ATRX: variants seen among roughly 807,000 people sequenced by gnomAD.
ATRX encodes the protein chromatin remodeler ATRX.
A neutral mutation model predicts 172.6 loss-of-function variants in ATRX; 12 were observed. The observed-to-expected ratio is 0.07, with a 90% CI of 0.04 to 0.11. ATRX has a LOEUF of 0.11. Among genes scored for constraint, ATRX ranks in the 10% least tolerant of loss-of-function variants. ATRX has a pLI of 1.00. For missense variants in ATRX, 1,368 were observed against 1,767.4 expected (o/e 0.77, Z 4.05); for synonymous variants, 674 against 594.7 (o/e 1.13, Z -1.94).
intron 2 of ATRX, among the ~76,000 whole-genome samples, chrX:77,711,816 C>A (rs1455340248): frequency 8.9e-6 from 1 of 112,225 alleles, no homozygotes; most frequent in Non-Finnish European, 1.9e-5. Flanking sequence ...GCCTAGGCAA[C>A]AGAAAAAGAA....
chrX:77,583,913 A>C (rs982664167), intron 27 of ATRX, among the ~76,000 whole-genome samples: 14 of 112,169 alleles, frequency 1.2e-4, no homozygotes, highest in African/African-American at 4.5e-4. Context: ...CCACCAGAAA[A>C]CTATTAGAAA....
At chrX:77,680,142 C>T (rs2071105800) in intron 9 of ATRX, among the ~76,000 whole-genome samples, 1 of 111,849 alleles carries the variant, frequency 8.9e-6, no homozygotes, top group Admixed American at 9.5e-5. Context: ...TCAGGCCCCA[C>T]TGGAGCTTTT....
chrX:77,698,779 T>A, intron 2 of ATRX, 150 bp from the exon 3 acceptor site: 1 of 489,049 alleles, frequency 2.0e-6, no homozygotes, highest in South Asian at 2.9e-5. Context: ...TTCCTAGAAG[T>A]GTTCTTTCAC....
intron 6 of ATRX, among the ~76,000 whole-genome samples, chrX:77,690,079 T>A (rs797041502): frequency 8.9e-6 from 1 of 112,061 alleles, no homozygotes; most frequent in South Asian, 3.7e-4. Flanking sequence ...GTAGAAACTT[T>A]AAAAAAATTT....
chrX:77,511,718 G>A (rs925772331), intron 34 of ATRX, among the ~76,000 whole-genome samples: 1 of 111,711 alleles, frequency 9.0e-6, no homozygotes, highest in Non-Finnish European at 1.9e-5. Flanking sequence ...ACCGATCAAG[G>A]AGAAGAAAGA....
At chrX:77,782,190 G>A (rs2148983429) in intron 1 of ATRX, among the ~76,000 whole-genome samples, 1 of 111,805 alleles carries the variant, frequency 8.9e-6, no homozygotes, top group Non-Finnish European at 1.9e-5. Context: ...CAAGGGCCTG[G>A]TTTCATGCTT....
rs373435318 is a variant in ATRX, at chrX:77,658,116, C to T, written c.4121-1463G>A. ...GTCCCAGCTACTTGGGAGGCTGAGA[C>T]GAGAGGATCACTTGAGCCCAGGAGG... On this transcript the variant is annotated intron_variant, in intron 12 of 34. Transcript: ENST00000373344. Among the ~76,000 whole-genome samples, 67 of 110,877 alleles carry T rather than the reference C, an allele frequency of 6.0e-4. 1 individual carries two copies. The highest frequency in any genetic ancestry group is 1.1e-3 in the African/African-American group (32 of 30,461).
intron 19 of ATRX, among the ~76,000 whole-genome samples, chrX:77,622,770 G>A (rs782112619): frequency 9.8e-4 from 108 of 110,520 alleles, no homozygotes; most frequent in Non-Finnish European, 1.0e-3. Context: ...GGGCTGTTTC[G>A]GCGCTGGAGG....
At chrX:77,707,462 G>T (rs2072893692) in intron 2 of ATRX, among the ~76,000 whole-genome samples, 1 of 112,181 alleles carries the variant, frequency 8.9e-6, no homozygotes. Flanking sequence ...ATGGGCAAAG[G>T]GGCTGGGCAC....
chrX:77,621,709 T>C (rs1334819499), intron 19 of ATRX, among the ~76,000 whole-genome samples: 1 of 112,228 alleles, frequency 8.9e-6, no homozygotes, highest in Non-Finnish European at 1.9e-5. Flanking sequence ...AAAGCAGCTG[T>C]CAAACTATCT....
chrX:77,535,811 G>A (rs1352256310), intron 30 of ATRX, among the ~76,000 whole-genome samples: 4 of 109,061 alleles, frequency 3.7e-5, no homozygotes, highest in African/African-American at 1.3e-4. Flanking sequence ...TCTGCCTCCT[G>A]GGTACAAGCA....
At chrX:77,520,991 T>G in intron 33 of ATRX, 75 bp from the exon 34 acceptor site, 2 of 1,059,360 alleles carry the variant, frequency 1.9e-6, no homozygotes, top group Non-Finnish European at 2.6e-6. Context: ...TTTAAGATAT[T>G]CGGGATTTCC....
chrX:77,518,625 G>T (rs931223224), intron 34 of ATRX, among the ~76,000 whole-genome samples: 7 of 111,393 alleles, frequency 6.3e-5, no homozygotes, highest in Non-Finnish European at 1.3e-4. Context: ...AAATACCAAT[G>T]ACATTCTTCA....
chrX:77,618,113 T>G (rs1557097889), intron 21 of ATRX, among the ~76,000 whole-genome samples: 2 of 111,977 alleles, frequency 1.8e-5, no homozygotes, highest in Non-Finnish European at 3.8e-5. Flanking sequence ...AATCCATGGA[T>G]GCAGAACCTG....
intron 30 of ATRX, among the ~76,000 whole-genome samples, chrX:77,557,196 A>G (rs782752514): frequency 1.3e-3 from 142 of 112,099 alleles, no homozygotes; most frequent in Middle Eastern, 8.4e-3. Flanking sequence ...ATATTAGAAA[A>G]TATGCTAATT....
At position 77,663,564 on chromosome X, in the gene ATRX, T is replaced by C. The variant is rs1237712138; in HGVS notation, c.3944-6A>G. 1 of 1,196,547 alleles carries C rather than the reference T, an allele frequency of 8.4e-7. No homozygotes were observed. Among genetic ancestry groups the C allele is most frequent in the African/African-American group, 1.8e-5 (1 of 56,928 alleles). On this transcript the variant is annotated splice_region_variant and splice_polypyrimidine_tract_variant and intron_variant, in intron 11 of 34. Coordinates refer to ENST00000373344, the MANE Select transcript of ATRX (RefSeq NM_000489.6). ...ATTGACTTGATTTTTTGCTTCTAAATGAAGGAAATAAATCAATAAAACCTT... is the reference window on the plus strand; with the variant it reads ...ATTGACTTGATTTTTTGCTTCTAAACGAAGGAAATAAATCAATAAAACCTT...
chrX:77,561,210 C>A (rs1557061783), intron 28 of ATRX, among the ~76,000 whole-genome samples: 7 of 109,280 alleles, frequency 6.4e-5, no homozygotes, highest in Non-Finnish European at 1.3e-4. Flanking sequence ...CAAAATTATT[C>A]CAGTTATTAA....
chrX:77,773,092 T>TAAA (rs782649057), intron 1 of ATRX, among the ~76,000 whole-genome samples: 11 of 37,350 alleles, frequency 2.9e-4, no homozygotes, highest in South Asian at 3.1e-3. Context: ...AAATTTCAGC[T>TAAA]AAAAAAAAAA....
chrX:77,540,363 T>C (rs1420521616), intron 30 of ATRX, among the ~76,000 whole-genome samples: 1 of 111,132 alleles, frequency 9.0e-6, no homozygotes, highest in Non-Finnish European at 1.9e-5. Context: ...CACACAATAA[T>C]AGTGGGAGAC....
Sources: gnomAD v4.1 joint callset for allele counts (sites outside exome capture counted in the v4.1 genomes callset) on GRCh38, gnomAD v4.1.1 for gene constraint, MANE v1.5 for transcripts, NCBI Gene and HGNC (gene_info 2026-07-23, HGNC 2026-07-21) for gene names.